The following SLC35D2 variants were observed in gnomAD, a reference collection of about 807,000 sequenced individuals.
The protein encoded by SLC35D2 is solute carrier family 35 member D2, also known as nucleotide sugar transporter SLC35D2.
A neutral mutation model predicts 41.8 loss-of-function variants in SLC35D2; 43 were observed. That is an observed-to-expected ratio of 1.03 (90% CI 0.81 to 1.33). SLC35D2 has a LOEUF of 1.33. Ranked by LOEUF, SLC35D2 falls within the 40% of genes most tolerant of loss-of-function variation. SLC35D2 has a pLI of 0.00. For synonymous variants in SLC35D2, 150 were observed against 163.9 expected (o/e 0.92, Z 0.65); for missense variants, 380 against 408.4 (o/e 0.93, Z 0.60).
chr9:96,340,311 A>T (rs1829256629), intron 8 of SLC35D2, among the ~76,000 whole-genome samples: 1 of 151,984 alleles, frequency 6.6e-6, no homozygotes, highest in Non-Finnish European at 1.5e-5. Flanking sequence ...CTCGTCATAC[A>T]ATACTTTTAA....
chr9:96,375,988 C>T (rs1454781141), intron 1 of SLC35D2, among the ~76,000 whole-genome samples: 4 of 151,842 alleles, frequency 2.6e-5, no homozygotes, highest in Non-Finnish European at 5.9e-5. Context: ...TGGTGAAACC[C>T]CATCTCTACT....
At chr9:96,336,632 G>C in intron 9 of SLC35D2, 85 bp downstream of exon 9, 1 of 821,416 alleles carries the variant, frequency 1.2e-6, no homozygotes. Context: ...AAGGAATTCT[G>C]ACAGAATAGA....
In SLC35D2 at chr9:96,322,086, G is replaced by A; in HGVS notation, c.832-6C>T. The A allele has an allele frequency of 1.3e-6, 2 of 1,543,736 alleles. No individual in the cohort carries two copies. Among genetic ancestry groups the A allele is most frequent in the Non-Finnish European group, 8.9e-7 (1 of 1,122,590 alleles). ...ATGTAGGCAACGGATACATTCTGCAGAAAAAGAGAGAGGATTCGTCATTTT... is the reference window on the plus strand; with the variant it reads ...ATGTAGGCAACGGATACATTCTGCAAAAAAAGAGAGAGGATTCGTCATTTT... On this transcript the variant is annotated splice_region_variant and splice_polypyrimidine_tract_variant and intron_variant, in intron 10 of 11. Coordinates refer to ENST00000253270, the MANE Select transcript of SLC35D2 (RefSeq NM_007001.3).
intron 1 of SLC35D2, among the ~76,000 whole-genome samples, chr9:96,369,592 G>A (rs189347274): frequency 6.6e-6 from 1 of 152,302 alleles, no homozygotes; most frequent in East Asian, 1.9e-4. Flanking sequence ...ATGGGACAAT[G>A]GAAAAGAACA....
intron 1 of SLC35D2, among the ~76,000 whole-genome samples, chr9:96,369,905 A>G (rs1830611966): frequency 1.3e-5 from 2 of 152,192 alleles, no homozygotes. Context: ...AGAAGAGAAT[A>G]AAGAATAAAC....
rs200143326 is a variant in SLC35D2 at position 96,324,115 on chromosome 9, C to T, written c.807G>A (p.Thr269=). The stretch of plus-strand genomic sequence containing the variant: ...CCTTGATGGCTCCAACCACTGCTGT[C>T]GTCAGGGCTGAATTGTAATAGCTGC... ...VLCSYYNSAL[T]TAVVGAIKNV... Residue 269 remains threonine (T), a synonymous_variant, in exon 10 of 12, where the codon ACG becomes ACA. Coordinates refer to ENST00000253270, the MANE Select transcript of SLC35D2 (RefSeq NM_007001.3). 9.3e-6 allele frequency: 15 copies of T among 1,613,932 alleles called. No homozygotes were observed. Among genetic ancestry groups the T allele is most frequent in the Non-Finnish European group, 1.1e-5 (13 of 1,179,902 alleles).
chr9:96,359,728 CAG>C (rs1830184272), intron 4 of SLC35D2, among the ~76,000 whole-genome samples: 1 of 151,914 alleles, frequency 6.6e-6, no homozygotes, highest in African/African-American at 2.4e-5. Context: ...ATGCAAATTT[CAG>C]AAGTTTATAA....
intron 4 of SLC35D2, among the ~76,000 whole-genome samples, chr9:96,358,682 A>G (rs1477328416): frequency 6.6e-6 from 1 of 152,130 alleles, no homozygotes; most frequent in Admixed American, 6.6e-5. Flanking sequence ...AAGTGGTGAA[A>G]ATTTGTTCTT....
At chr9:96,339,159 G>A (rs1296460282) in intron 8 of SLC35D2, among the ~76,000 whole-genome samples, 1 of 151,916 alleles carries the variant, frequency 6.6e-6, no homozygotes, top group Non-Finnish European at 1.5e-5. Context: ...CGCCCAGGCT[G>A]GAGTGCGGTG....
downstream of SLC35D2, chr9:96,320,601 G>A (rs546421104): frequency 4.0e-5 from 6 of 151,130 alleles, no homozygotes; most frequent in South Asian, 4.2e-4. Flanking sequence ...CCCCAACCTC[G>A]AGTCATAAAG....
At chr9:96,368,232 A>T (rs768296738) in intron 2 of SLC35D2, 40 bp downstream of exon 2, 2 of 1,514,478 alleles carry the variant, frequency 1.3e-6, no homozygotes, top group Non-Finnish European at 1.8e-6. Context: ...ATGAATACTG[A>T]TAACAAAATA....
intron 1 of SLC35D2, among the ~76,000 whole-genome samples, chr9:96,369,267 T>G (rs1052050388): frequency 1.3e-5 from 2 of 152,130 alleles, no homozygotes; most frequent in Non-Finnish European, 2.9e-5. Context: ...TATAAAAAAT[T>G]ATATATCAAT....
intron 1 of SLC35D2, among the ~76,000 whole-genome samples, chr9:96,373,242 G>A (rs1318103829): frequency 1.3e-5 from 2 of 152,084 alleles, no homozygotes; most frequent in African/African-American, 4.8e-5. Context: ...GAGCTAGAAC[G>A]ATACCAAGTA....
intron 9 of SLC35D2, among the ~76,000 whole-genome samples, chr9:96,325,507 A>T (rs1274358129): frequency 1.3e-5 from 2 of 152,174 alleles, no homozygotes; most frequent in Non-Finnish European, 2.9e-5. Flanking sequence ...ACATGGTGAA[A>T]CCCTGTCTCT....
At chr9:96,347,580 T>C (rs925494621) in intron 6 of SLC35D2, among the ~76,000 whole-genome samples, 1 of 152,172 alleles carries the variant, frequency 6.6e-6, no homozygotes, top group Admixed American at 6.6e-5. Context: ...GGTTTCATTA[T>C]GTTGCCAGGG....
chr9:96,381,696 T>C lies in SLC35D2; in HGVS notation c.158+1781A>G, dbSNP rs145265054. On this transcript the variant is annotated intron_variant, in intron 1 of 11. Transcript: ENST00000253270. Reference sequence around the variant, plus strand: ...CTCCGTGAAGTTAAGGATTCTGATCTGCTCTTTTCACTTCTCTTTCCCAAG... The same window carrying C: ...CTCCGTGAAGTTAAGGATTCTGATCCGCTCTTTTCACTTCTCTTTCCCAAG... Among the ~76,000 whole-genome samples, 667 of 152,356 alleles carry C rather than the reference T, an allele frequency of 4.4e-3. 5 individuals are homozygous for C. The highest frequency in any genetic ancestry group is 0.015 in the African/African-American group (644 of 41,582).
intron 10 of SLC35D2, among the ~76,000 whole-genome samples, chr9:96,323,300 C>G (rs1307258050): frequency 6.6e-6 from 1 of 152,048 alleles, no homozygotes; most frequent in Non-Finnish European, 1.5e-5. Flanking sequence ...GAACACCTCT[C>G]CCCCTATTCA....
At chr9:96,316,060 C>T (rs1354408595), downstream of SLC35D2, among the ~76,000 whole-genome samples, 6 of 152,216 alleles carry the variant, frequency 3.9e-5, no homozygotes, top group Admixed American at 3.9e-4. Flanking sequence ...GCTAATACTA[C>T]TGTGGTTTCT....
downstream of SLC35D2, among the ~76,000 whole-genome samples, chr9:96,320,515 CAAAA>C (rs11332811): frequency 8.0e-6 from 1 of 124,236 alleles, no homozygotes; most frequent in African/African-American, 2.7e-5. Flanking sequence ...GACTCTGTCT[CAAAA>C]AAAAAAAAAA....
Sources: gnomAD v4.1 joint callset for allele counts (sites outside exome capture counted in the v4.1 genomes callset) on GRCh38, gnomAD v4.1.1 for gene constraint, MANE v1.5 for transcripts, NCBI Gene and HGNC (gene_info 2026-07-23, HGNC 2026-07-21) for gene names.